ANK3: variants seen among roughly 807,000 people sequenced by gnomAD.
ANK3 encodes the protein ankyrin-3.
A neutral mutation model predicts 370.9 loss-of-function variants in ANK3; 57 were observed. That is an observed-to-expected ratio of 0.15 (90% confidence interval 0.12 to 0.19). The LOEUF (loss-of-function observed/expected upper bound fraction) is 0.19. ANK3 is among the 10% of genes least tolerant of loss of function. ANK3 has a pLI of 1.00. For missense variants in ANK3, 4,439 were observed against 5,302.1 expected, an observed-to-expected ratio of 0.84 and a Z score of 5.06; for synonymous variants, 1,929 against 1,946.3, an observed-to-expected ratio of 0.99 and a Z score of 0.23.
intron 14 of ANK3, 108 bp downstream of exon 14, chr10:60,198,232 G>T: frequency 2.7e-6 from 3 of 1,099,044 alleles, no homozygotes; most frequent in East Asian, 5.0e-5. Context: ...CTGTGGGATC[G>T]CAAGAATAGA....
At chr10:60,553,664 C>A (rs1196968117) in intron 2 of ANK3, among the ~76,000 whole-genome samples, 1 of 152,002 alleles carries the variant, frequency 6.6e-6, no homozygotes, top group East Asian at 1.9e-4. Context: ...AGAGGCATTG[C>A]CTGGGGCAGG....
At chr10:60,293,017 TA>T (rs1490650653) in intron 1 of ANK3, among the ~76,000 whole-genome samples, 1 of 152,162 alleles carries the variant, frequency 6.6e-6, no homozygotes, top group Admixed American at 6.5e-5. Context: ...CCCAGGGTCC[TA>T]AACTTTCTAT....
chr10:60,173,325 A>T (rs2095844205), intron 18 of ANK3, 139 bp from the exon 19 acceptor site: 1 of 632,966 alleles, frequency 1.6e-6, no homozygotes, highest in Non-Finnish European at 2.6e-6. Context: ...TATATTAAAA[A>T]AATTGCCCTT....
At chr10:60,056,139 G>T in intron 41 of ANK3, 103 bp from the exon 42 acceptor site, 1 of 1,350,116 alleles carries the variant, frequency 7.4e-7, no homozygotes, top group Non-Finnish European at 9.9e-7. Flanking sequence ...TACTTCTGAA[G>T]GCATAAAATA....
At chr10:60,690,432 C>A (rs1232361177) in intron 1 of ANK3, among the ~76,000 whole-genome samples, 1 of 152,080 alleles carries the variant, frequency 6.6e-6, no homozygotes, top group Non-Finnish European at 1.5e-5. Flanking sequence ...TAAGGAAGTC[C>A]AAAGTAGTTC....
chr10:60,391,231 A>G (rs912510869), upstream of ANK3, among the ~76,000 whole-genome samples: 3 of 152,200 alleles, frequency 2.0e-5, no homozygotes, highest in Non-Finnish European at 2.9e-5. Context: ...CTGGTCATAG[A>G]GTTACCAAGG....
intron 1 of ANK3, among the ~76,000 whole-genome samples, chr10:60,309,997 C>G (rs1303579189): frequency 6.7e-6 from 1 of 149,402 alleles, no homozygotes; most frequent in Non-Finnish European, 1.5e-5. Context: ...GTGATCATAG[C>G]TCACTGTAAC....
rs187759746 is a variant in ANK3, at chr10:60,181,525, C to T, written c.2086-98G>A. 3,704 of 1,146,572 alleles carry T rather than the reference C, an allele frequency of 3.2e-3. 17 individuals are homozygous for T. The highest frequency in any genetic ancestry group is 4.1e-3 in the Non-Finnish European group (3,199 of 771,584). 71.0% of individuals were successfully genotyped at this position (1,146,572 alleles called of 1,614,324 possible). ...ATTTGTGAATTCTAAGATGGTAAGC[C>T]GAGAATTTCTATGTTAGAAAAAACC... On this transcript the variant is annotated intron_variant, in intron 17 of 43. Transcript: ENST00000280772.
intron 1 of ANK3, chr10:60,685,192 C>A: frequency 2.3e-6 from 1 of 428,762 alleles, no homozygotes; most frequent in Non-Finnish European, 4.4e-6. Flanking sequence ...GCTATTAAAG[C>A]TTTGTATTGT....
chr10:60,102,630 A>G (rs2091473066), intron 28 of ANK3, among the ~76,000 whole-genome samples: 1 of 152,258 alleles, frequency 6.6e-6, no homozygotes, highest in Non-Finnish European at 1.5e-5. Flanking sequence ...GATTGCGTAC[A>G]TGGAAAGGCT....
At chr10:60,285,254 G>GT (rs2098227159) in intron 1 of ANK3, among the ~76,000 whole-genome samples, 1 of 152,144 alleles carries the variant, frequency 6.6e-6, no homozygotes, top group African/African-American at 2.4e-5. Flanking sequence ...AACAATGTGA[G>GT]TGCACAGCTA....
rs531888490 is a variant in ANK3, at chr10:60,279,454, C to A, written c.216+84G>T. The A allele has an allele frequency of 1.2e-4, 130 of 1,091,360 alleles. 1 individual carries two copies. In the South Asian group the frequency reaches 1.9e-3, roughly 16 times the overall value. 67.6% of individuals were successfully genotyped at this position (1,091,360 alleles called of 1,614,324 possible). A position where few individuals can be genotyped will look rare whatever the true frequency, so the allele number is the denominator to read the frequency against. On this transcript the variant is annotated intron_variant, in intron 2 of 43. Transcript: ENST00000280772. ...GATAAAATTCAATGGAAAAAAACCC[C>A]ACAAATAAATGAAGTCTTTAAGGAG...
At chr10:60,508,101 T>C (rs2075986145) in intron 2 of ANK3, 1 of 152,146 alleles carries the variant, frequency 6.6e-6, no homozygotes, top group Non-Finnish European at 1.5e-5. Flanking sequence ...TTCAGACCAT[T>C]CTTTCAGCCA....
chr10:60,301,603 G>A lies in ANK3; in HGVS notation c.115-21964C>T, dbSNP rs184234687. Among the ~76,000 whole-genome samples the A allele has an allele frequency of 2.1e-3, 322 of 151,962 alleles. 2 individuals carry two copies. The highest frequency in any genetic ancestry group is 7.4e-3 in the African/African-American group (305 of 41,450). Reference sequence around the variant, plus strand: ...AATTTTTGTATTTTTAGTAAGGACGGGGTTTCACCATGTTGGTTGGCCAGG... The same window carrying A: ...AATTTTTGTATTTTTAGTAAGGACGAGGTTTCACCATGTTGGTTGGCCAGG... On this transcript the variant is annotated intron_variant, in intron 1 of 43. Coordinates refer to ENST00000280772, the MANE Select transcript of ANK3 (RefSeq NM_020987.5).
chr10:60,370,177 C>T (rs1183106438), intron 1 of ANK3, among the ~76,000 whole-genome samples: 23 of 152,126 alleles, frequency 1.5e-4, no homozygotes, highest in Non-Finnish European at 5.9e-5. Context: ...CTTAGCTTGG[C>T]AACTTTTCCA....
chr10:60,499,177 G>A (rs1567094937), intron 2 of ANK3, among the ~76,000 whole-genome samples: 1 of 152,164 alleles, frequency 6.6e-6, no homozygotes, highest in Non-Finnish European at 1.5e-5. Context: ...AACTTCATTA[G>A]AGTCCTGGCT....
At chr10:60,045,600 A>G (rs921975984) in intron 42 of ANK3, among the ~76,000 whole-genome samples, 2 of 152,214 alleles carry the variant, frequency 1.3e-5, no homozygotes, top group African/African-American at 4.8e-5. Context: ...CTGTCAGTCA[A>G]ACTTCTTACT....
At chr10:60,298,857 A>T (rs2132789788) in intron 1 of ANK3, among the ~76,000 whole-genome samples, 1 of 152,334 alleles carries the variant, frequency 6.6e-6, no homozygotes, top group African/African-American at 2.4e-5. Context: ...AACCCTTCCC[A>T]GCAATGAGTA....
At chr10:60,731,867 T>C (rs1036951533) in intron 1 of ANK3, among the ~76,000 whole-genome samples, 1 of 152,152 alleles carries the variant, frequency 6.6e-6, no homozygotes, top group African/African-American at 2.4e-5. Context: ...AAGTGACCTC[T>C]TCCAAAATTA....
Sources: gnomAD v4.1 joint callset for allele counts (sites outside exome capture counted in the v4.1 genomes callset) on GRCh38, gnomAD v4.1.1 for gene constraint, MANE v1.5 for transcripts, NCBI Gene and HGNC (gene_info 2026-07-23, HGNC 2026-07-21) for gene names.